DUSP19: variants seen among roughly 807,000 people sequenced by gnomAD.
The protein encoded by DUSP19 is dual specificity protein phosphatase 19.
In DUSP19, 14 loss-of-function variants were observed where a neutral mutation model predicts 16.6. The observed-to-expected ratio is 0.84, with a 90% CI of 0.56 to 1.32. The LOEUF (loss-of-function observed/expected upper bound fraction) is 1.32, where lower values mean the gene tolerates loss of function less well. Among genes scored for constraint, DUSP19 ranks in the 40% most tolerant of loss-of-function variants. DUSP19 has a pLI of 0.00. For missense variants in DUSP19, 258 were observed against 255.9 expected (o/e 1.01, Z -0.06); for synonymous variants, 81 against 90.5 (o/e 0.90, Z 0.59).
At chr2:183,088,472 C>A (rs1300283367) in intron 3 of DUSP19, among the ~76,000 whole-genome samples, 1 of 113,422 alleles carries the variant, frequency 8.8e-6, no homozygotes, top group Admixed American at 1.1e-4. Context: ...GTAGTGTGAT[C>A]TCGGTGCACT....
rs1699818394 is a variant in DUSP19 at position 183,097,450 on chromosome 2, A to G, written c.*1792A>G. 2 of 152,260 alleles carry G rather than the reference A, an allele frequency of 1.3e-5. No homozygotes were observed. The highest frequency in any genetic ancestry group is 2.1e-4 in the South Asian group (1 of 4,834). 9.4% of individuals were successfully genotyped at this position (152,260 alleles called of 1,614,324 possible). ...AAGAGCAAGCATAGATGGAAAGTGC[A>G]TATTGAACACATCTGTGCATTTGAG... is the stretch of plus-strand genomic sequence containing the variant. On this transcript the variant is annotated 3_prime_UTR_variant, in exon 4 of 4. Coordinates refer to ENST00000354221, the MANE Select transcript of DUSP19 (RefSeq NM_080876.4).
At chr2:183,083,879 C>T (rs1699625845) in intron 2 of DUSP19, among the ~76,000 whole-genome samples, 1 of 152,140 alleles carries the variant, frequency 6.6e-6, no homozygotes. Context: ...CAAGACCTGT[C>T]CATACCTTAA....
At chr2:183,085,776 A>G (rs1436638224) in intron 2 of DUSP19, among the ~76,000 whole-genome samples, 1 of 149,842 alleles carries the variant, frequency 6.7e-6, no homozygotes, top group Non-Finnish European at 1.5e-5. Flanking sequence ...GCCTTATCGA[A>G]GATGCACGAG....
intron 3 of DUSP19, 100 bp from the exon 4 acceptor site, chr2:183,095,331 T>C: frequency 1.1e-6 from 1 of 938,470 alleles, no homozygotes; most frequent in South Asian, 1.8e-5. Context: ...TAAAACTGAA[T>C]ATTTACTTTA....
Position 183,095,690 on chromosome 2 carries a change from G to C in DUSP19, c.*32G>C. 2 of 1,542,586 alleles carry C rather than the reference G, an allele frequency of 1.3e-6. No individual in the cohort carries two copies. Among genetic ancestry groups the C allele is most frequent in the Non-Finnish European group, 1.8e-6 (2 of 1,126,572 alleles). ...TTGTAGCAGACAATGGACAACTGTA[G>C]TTTCTGAATTGACTTCTATAGCCAT... On this transcript the variant is annotated 3_prime_UTR_variant, in exon 4 of 4. Coordinates refer to ENST00000354221, the MANE Select transcript of DUSP19 (RefSeq NM_080876.4).
At chr2:183,084,636 G>A (rs544360827) in intron 2 of DUSP19, among the ~76,000 whole-genome samples, 4 of 152,130 alleles carry the variant, frequency 2.6e-5, no homozygotes, top group East Asian at 3.9e-4. Context: ...AAAGTTAGTT[G>A]TGTGGACTTG....
At chr2:183,091,632 C>T (rs1699733385) in intron 3 of DUSP19, among the ~76,000 whole-genome samples, 1 of 152,166 alleles carries the variant, frequency 6.6e-6, no homozygotes, top group African/African-American at 2.4e-5. Context: ...CAAAAAGCAA[C>T]CAGTGAGAGG....
chr2:183,089,504 A>C (rs1365607048), intron 3 of DUSP19, among the ~76,000 whole-genome samples: 4 of 152,150 alleles, frequency 2.6e-5, no homozygotes, highest in African/African-American at 7.2e-5. Flanking sequence ...ACCCAGTAAT[A>C]CAACTTTTCA....
rs939810949 is a variant in DUSP19, at chr2:183,089,122, G to A, written c.426+1930G>A. On this transcript the variant is annotated intron_variant, in intron 3 of 3. Coordinates refer to ENST00000354221, the MANE Select transcript of DUSP19 (RefSeq NM_080876.4). Reference sequence around the variant, plus strand: ...TTCCTAAAAATAAAGCCTGAGATGAGGATTTAGAGCTTATGCTTAATTTGA... The same window carrying A: ...TTCCTAAAAATAAAGCCTGAGATGAAGATTTAGAGCTTATGCTTAATTTGA... Among the ~76,000 whole-genome samples, 6 of 152,166 alleles carry A rather than the reference G, an allele frequency of 3.9e-5. No homozygotes were observed. The East Asian group carries it at 5.8e-4, about 15-fold the overall frequency.
intron 3 of DUSP19, among the ~76,000 whole-genome samples, chr2:183,089,921 G>T (rs115709911): frequency 0.052 from 7,840 of 152,094 alleles, 259 homozygotes; most frequent in Middle Eastern, 0.085. Flanking sequence ...TTACAGGTGC[G>T]CACCACCATG....
At chr2:183,082,570 T>A (rs1224664457) in intron 1 of DUSP19, among the ~76,000 whole-genome samples, 1 of 151,712 alleles carries the variant, frequency 6.6e-6, no homozygotes, top group Non-Finnish European at 1.5e-5. Context: ...ATTACAGGCA[T>A]GCACCACCAT....
At chr2:183,083,079 T>G (rs567353601) in intron 1 of DUSP19, among the ~76,000 whole-genome samples, 1 of 137,206 alleles carries the variant, frequency 7.3e-6, no homozygotes, top group South Asian at 2.2e-4. Flanking sequence ...TTAAAAAAAA[T>G]TTTTTTTCTA....
In DUSP19 at chr2:183,078,836, G is replaced by A. The variant is rs1278711906; in HGVS notation, c.-98G>A. ...TACCTGGATGGGCGAGCACCTCTGA[G>A]GCTGGCTTTGTTACCTGGGCAATAA... On this transcript the variant is annotated 5_prime_UTR_variant, in exon 1 of 4. Transcript: ENST00000354221. The A allele has an allele frequency of 1.2e-5, 13 of 1,109,918 alleles. No homozygotes were observed. Among genetic ancestry groups the A allele is most frequent in the Non-Finnish European group, 1.7e-5 (13 of 770,460 alleles). The allele number at this position is 1,109,918 out of a possible 1,614,324, so 68.8% of individuals were successfully genotyped here.
At position 183,098,985 on chromosome 2, in the gene DUSP19, A is replaced by G. The variant is rs555028346; in HGVS notation, c.*3327A>G. 1 of 152,230 alleles carries G rather than the reference A, an allele frequency of 6.6e-6. No individual in the cohort carries two copies. Among genetic ancestry groups the G allele is most frequent in the East Asian group, 1.9e-4 (1 of 5,180 alleles). The allele number at this position is 152,230 out of a possible 1,614,324, so 9.4% of individuals were successfully genotyped here. A position where few individuals can be genotyped will look rare whatever the true frequency, so the allele number is the denominator to read the frequency against. ...TACAGTATTTAACATTTTGTTTGCA[A>G]TTTTACTTTTTCTTCCCTTCTTCCC... On this transcript the variant is annotated 3_prime_UTR_variant, in exon 4 of 4. Transcript: ENST00000354221.
chr2:183,093,391 C>T (rs974574138), intron 3 of DUSP19, among the ~76,000 whole-genome samples: 1 of 152,082 alleles, frequency 6.6e-6, no homozygotes, highest in Non-Finnish European at 1.5e-5. Flanking sequence ...TTCCTCATAC[C>T]CTCATTTCAC....
chr2:183,084,789 T>A (rs1180330332), intron 2 of DUSP19, among the ~76,000 whole-genome samples: 1 of 152,186 alleles, frequency 6.6e-6, no homozygotes, highest in Non-Finnish European at 1.5e-5. Flanking sequence ...GGAAACTGGT[T>A]ATAAAGCTAT....
At chr2:183,090,113 A>G (rs775037550) in intron 3 of DUSP19, among the ~76,000 whole-genome samples, 1 of 151,956 alleles carries the variant, frequency 6.6e-6, no homozygotes, top group African/African-American at 2.4e-5. Context: ...AAATTCTTGA[A>G]TTTTTTTCAT....
intron 1 of DUSP19, 40 bp from the exon 2 acceptor site, chr2:183,083,467 AT>A: frequency 2.0e-6 from 3 of 1,529,802 alleles, no homozygotes; most frequent in Non-Finnish European, 2.7e-6. Flanking sequence ...GTTCAAGATG[AT>A]TATATTTGTG....
At chr2:183,086,400 C>T (rs1029227334) in intron 2 of DUSP19, among the ~76,000 whole-genome samples, 3 of 152,082 alleles carry the variant, frequency 2.0e-5, no homozygotes, top group African/African-American at 4.8e-5. Flanking sequence ...ACTGCTCATT[C>T]GCTTATAACA....
Sources: gnomAD v4.1 joint callset for allele counts (sites outside exome capture counted in the v4.1 genomes callset) on GRCh38, gnomAD v4.1.1 for gene constraint, MANE v1.5 for transcripts, NCBI Gene and HGNC (gene_info 2026-07-23, HGNC 2026-07-21) for gene names.